DIAPH2: variants seen among roughly 807,000 people sequenced by gnomAD.
DIAPH2 encodes protein diaphanous homolog 2.
In DIAPH2, 35 loss-of-function variants were observed where a neutral mutation model predicts 92.7. That is an observed-to-expected ratio of 0.38 (90% CI 0.29 to 0.50). The LOEUF is 0.50. Ranked by LOEUF, DIAPH2 falls within the 20% of genes least tolerant of loss-of-function variation. DIAPH2 has a pLI of 0.94. For missense variants in DIAPH2, 701 were observed against 819.5 expected (o/e 0.86, Z 1.77); for synonymous variants, 301 against 280.4 (o/e 1.07, Z -0.73).
chrX:96,989,211 TCATA>T (rs775114576), intron 17 of DIAPH2, among the ~76,000 whole-genome samples: 18 of 112,006 alleles, frequency 1.6e-4, no homozygotes, highest in African/African-American at 5.8e-4. Context: ...CCAAAATGGA[TCATA>T]CATATGTTAC....
intron 25 of DIAPH2, among the ~76,000 whole-genome samples, chrX:97,416,526 T>C (rs1368387922): frequency 8.9e-6 from 1 of 112,331 alleles, no homozygotes; most frequent in Non-Finnish European, 1.9e-5. Context: ...AATTAGTTGG[T>C]AAATGGCAGA....
intron 4 of DIAPH2, among the ~76,000 whole-genome samples, chrX:96,788,072 A>G (rs1170761074): frequency 1.8e-5 from 2 of 110,736 alleles, no homozygotes; most frequent in African/African-American, 6.6e-5. Flanking sequence ...ATATCTTGAT[A>G]AAATGTTTTT....
In DIAPH2 at chrX:96,901,970, T is replaced by C. The variant is rs528374738; in HGVS notation, c.588-10358T>C. 1.2e-4 allele frequency among the ~76,000 whole-genome samples: 13 copies of C among 111,955 alleles called. 1 individual carries two copies. Among genetic ancestry groups the C allele is most frequent in the African/African-American group, 3.9e-4 (12 of 30,810 alleles). ...CACTGCTTTTGCCATATAACAGAGG[T>C]TTTGATAACGTGTGTCACTAGTACC... On this transcript the variant is annotated intron_variant, in intron 5 of 26. Coordinates refer to ENST00000324765, the MANE Select transcript of DIAPH2 (RefSeq NM_006729.5).
chrX:97,308,156 C>A (rs1255019225), intron 23 of DIAPH2, among the ~76,000 whole-genome samples: 1 of 111,090 alleles, frequency 9.0e-6, no homozygotes, highest in Non-Finnish European at 1.9e-5. Context: ...TCACTACTGT[C>A]TAAACACTGA....
At chrX:97,536,932 ATC>A (rs768629450) in intron 26 of DIAPH2, among the ~76,000 whole-genome samples, 1 of 112,061 alleles carries the variant, frequency 8.9e-6, no homozygotes, top group African/African-American at 3.2e-5. Flanking sequence ...ATAAACCATA[ATC>A]TCTGTTTTCA....
intron 23 of DIAPH2, among the ~76,000 whole-genome samples, chrX:97,257,957 TAAAAAA>T (rs59772699): frequency 3.2e-5 from 3 of 92,400 alleles, no homozygotes; most frequent in Non-Finnish European, 6.1e-5. Flanking sequence ...GTTCTTTGTT[TAAAAAA>T]AAAAAAAAAA....
chrX:97,017,284 T>C (rs2066266775), intron 17 of DIAPH2, among the ~76,000 whole-genome samples: 1 of 112,060 alleles, frequency 8.9e-6, no homozygotes, highest in Non-Finnish European at 1.9e-5. Flanking sequence ...TACTATACAT[T>C]AGTTGTTTAG....
intron 4 of DIAPH2, among the ~76,000 whole-genome samples, chrX:96,828,188 G>A (rs762100898): frequency 8.9e-6 from 1 of 112,101 alleles, no homozygotes; most frequent in East Asian, 2.8e-4. Flanking sequence ...CTCTTCTCAC[G>A]GAGGTCAGTG....
intron 24 of DIAPH2, among the ~76,000 whole-genome samples, chrX:97,355,691 A>G (rs2069259693): frequency 9.0e-6 from 1 of 111,221 alleles, no homozygotes. Context: ...TCATTTATGA[A>G]TTCAGAGGGG....
At chrX:97,262,634 G>C (rs1386055167) in intron 23 of DIAPH2, among the ~76,000 whole-genome samples, 1 of 111,805 alleles carries the variant, frequency 8.9e-6, no homozygotes, top group Non-Finnish European at 1.9e-5. Context: ...CAAGAGTTTG[G>C]TTTGAGAGGT....
chrX:96,699,779 A>G (rs1181893622), intron 1 of DIAPH2, among the ~76,000 whole-genome samples: 1 of 110,368 alleles, frequency 9.1e-6, no homozygotes, highest in Non-Finnish European at 1.9e-5. Context: ...CGCCAATTTT[A>G]TTTGCATTTT....
intron 24 of DIAPH2, among the ~76,000 whole-genome samples, chrX:97,360,142 G>C (rs2069310095): frequency 8.9e-6 from 1 of 111,765 alleles, no homozygotes; most frequent in Non-Finnish European, 1.9e-5. Flanking sequence ...TGACAGTGTA[G>C]TTGAAGTCAT....
chrX:97,082,653 C>G (rs190394898), intron 19 of DIAPH2, among the ~76,000 whole-genome samples: 10 of 110,520 alleles, frequency 9.0e-5, no homozygotes, highest in Non-Finnish European at 1.7e-4. Context: ...AACAAACAAA[C>G]AAACAAAAAC....
At chrX:96,776,466 C>T (rs865992303) in intron 4 of DIAPH2, among the ~76,000 whole-genome samples, 15 of 110,676 alleles carry the variant, frequency 1.4e-4, no homozygotes, top group South Asian at 3.8e-4. Flanking sequence ...CTGCCTTGGC[C>T]TCCCAACGTG....
At chrX:96,879,505 T>C (rs753985734) in intron 4 of DIAPH2, among the ~76,000 whole-genome samples, 1 of 112,005 alleles carries the variant, frequency 8.9e-6, no homozygotes, top group African/African-American at 3.2e-5. Context: ...ATGTAGTAAA[T>C]AGATCCCTTG....
intron 21 of DIAPH2, among the ~76,000 whole-genome samples, chrX:97,129,089 A>ATCTTTTCTTTTCTTTT (rs2053985621): frequency 3.1e-5 from 2 of 64,463 alleles, no homozygotes; most frequent in Non-Finnish European, 2.7e-5. Context: ...TGTCTATACC[A>ATCTTTTCTTTTCTTTT]TCTTTTCTTT....
At chrX:96,995,328 G>A (rs1367529395) in intron 17 of DIAPH2, among the ~76,000 whole-genome samples, 2 of 111,785 alleles carry the variant, frequency 1.8e-5, no homozygotes. Context: ...GTTGATGTCA[G>A]TCATTGAGAT....
At chrX:97,315,375 C>G (rs776841207) in intron 23 of DIAPH2, among the ~76,000 whole-genome samples, 95 of 111,975 alleles carry the variant, frequency 8.5e-4, no homozygotes, top group Middle Eastern at 9.2e-3. Context: ...TATGGCGTAA[C>G]AGAGATGCTT....
At chrX:97,289,268 T>C (rs1025295873) in intron 23 of DIAPH2, among the ~76,000 whole-genome samples, 4 of 112,285 alleles carry the variant, frequency 3.6e-5, no homozygotes, top group African/African-American at 6.5e-5. Context: ...ATATGGACAT[T>C]GTTTAATCCA....
Sources: allele counts gnomAD v4.1 joint callset (sites outside exome capture counted in the v4.1 genomes callset), GRCh38; gene constraint gnomAD v4.1.1; transcripts MANE v1.5; gene names NCBI Gene and HGNC (gene_info 2026-07-23, HGNC 2026-07-21).